The following OSGIN2 variants were observed in gnomAD, a reference collection of about 807,000 sequenced individuals.
OSGIN2 encodes oxidative stress induced growth inhibitor family member 2.
Under a neutral mutation model 53.8 loss-of-function variants are expected in OSGIN2, and 19 were observed. The ratio of observed to expected loss-of-function variants is 0.35; its 90% CI spans 0.25 to 0.52. The LOEUF (loss-of-function observed/expected upper bound fraction) is 0.52, where lower values mean the gene tolerates loss of function less well. OSGIN2 is among the 20% of genes least tolerant of loss of function. OSGIN2 has a pLI of 0.95. For synonymous variants in OSGIN2, 236 were observed against 236.0 expected (o/e 1.00, Z 0.00); for missense variants, 520 against 662.7 (o/e 0.78, Z 2.36).
At chr8:89,908,089 C>A (rs550649722) in intron 1 of OSGIN2, among the ~76,000 whole-genome samples, 1 of 152,218 alleles carries the variant, frequency 6.6e-6, no homozygotes, top group Admixed American at 6.5e-5. Flanking sequence ...AGGGACAGAG[C>A]AGAATATAAA....
intron 3 of OSGIN2, 54 bp from the exon 4 acceptor site, chr8:89,914,501 C>A: frequency 7.3e-7 from 1 of 1,364,088 alleles, no homozygotes; most frequent in Non-Finnish European, 1.0e-6. Context: ...TTAGAATATA[C>A]TATCTGGGAA....
Position 89,902,739 on chromosome 8 carries a change from G to GGGAGGC in OSGIN2, c.-46_-41dup, listed in dbSNP as rs1252980884. On this transcript the variant is annotated 5_prime_UTR_variant, in exon 1 of 6. Transcript: ENST00000451899. ...CGCCCCGAGCGGGCAGCCTCGCCGGGGGAGGCGGAGGCGGCCACGGCGGCC... is the reference window on the plus strand; with the variant it reads ...CGCCCCGAGCGGGCAGCCTCGCCGGGGGAGGCGGAGGCGGAGGCGGCCACGGCGGCC... 8 of 1,097,932 alleles carry GGGAGGC rather than the reference G, an allele frequency of 7.3e-6. No homozygotes were observed. The highest frequency in any genetic ancestry group is 6.6e-5 in the African/African-American group (4 of 60,184). 68.0% of individuals were successfully genotyped at this position (1,097,932 alleles called of 1,614,324 possible).
rs564153112 is a variant in OSGIN2, at chr8:89,914,006, T to C, written c.200-71T>C. ...TCAGAGAAAAGAGCCATCTTCAAAG[T>C]AGGACAAAAGCCAAGGAACAAGAGT... On this transcript the variant is annotated intron_variant, in intron 2 of 5. Coordinates refer to ENST00000451899, the MANE Select transcript of OSGIN2 (RefSeq NM_001126111.3). 9.1e-6 allele frequency: 12 copies of C among 1,313,102 alleles called. No homozygotes were observed. The African/African-American group carries it at 1.3e-4, about 15-fold the overall frequency. The allele number at this position is 1,313,102 out of a possible 1,614,324, so 81.3% of individuals were successfully genotyped here. A position where few individuals can be genotyped will look rare whatever the true frequency, so the allele number is the denominator to read the frequency against.
At chr8:89,922,220 T>C (rs1809221548) in intron 5 of OSGIN2, among the ~76,000 whole-genome samples, 1 of 152,222 alleles carries the variant, frequency 6.6e-6, no homozygotes, top group Non-Finnish European at 1.5e-5. Context: ...CACTTCCTGC[T>C]ACATAACAAC....
intron 4 of OSGIN2, among the ~76,000 whole-genome samples, chr8:89,918,957 G>T (rs1809140411): frequency 1.3e-5 from 2 of 152,126 alleles, no homozygotes; most frequent in African/African-American, 2.4e-5. Context: ...CTTACTCATT[G>T]TCTCTTCTCC....
Position 89,902,805 on chromosome 8 carries a change from GTGC to G in OSGIN2, c.16_18del (p.Cys6del). 7.4e-7 allele frequency: 1 copy of G among 1,360,292 alleles called. No individual in the cohort carries two copies. Among genetic ancestry groups the G allele is most frequent in the Non-Finnish European group, 9.7e-7 (1 of 1,036,242 alleles). 84.3% of individuals were successfully genotyped at this position (1,360,292 alleles called of 1,614,324 possible). On this transcript the variant is annotated inframe_deletion, in exon 1 of 6. Coordinates refer to ENST00000451899, the MANE Select transcript of OSGIN2 (RefSeq NM_001126111.3). ...TCGCGCAGCGCTCCATGCCCGTGTG[GTGC>G]TGCCGCTGCTCCCTGGCCGGTCATT...
intron 1 of OSGIN2, 118 bp downstream of exon 1, chr8:89,902,955 C>T (rs372698583): frequency 1.7e-6 from 1 of 573,444 alleles, no homozygotes. Flanking sequence ...GCAGCGTCCT[C>T]CCGCCTCGGC....
Position 89,925,538 on chromosome 8 carries a change from G to C in OSGIN2, c.*6G>C. Reference sequence around the variant, plus strand: ...GAGGAGATGGGATAGCTTAAAGCAAGTTTACAAGTAATTAAAATGGACAGT... The same window carrying C: ...GAGGAGATGGGATAGCTTAAAGCAACTTTACAAGTAATTAAAATGGACAGT... On this transcript the variant is annotated 3_prime_UTR_variant, in exon 6 of 6. Coordinates refer to ENST00000451899, the MANE Select transcript of OSGIN2 (RefSeq NM_001126111.3). 1 of 1,603,406 alleles carries C rather than the reference G, an allele frequency of 6.2e-7. No homozygotes were observed. The highest frequency in any genetic ancestry group is 1.3e-5 in the African/African-American group (1 of 74,500).
chr8:89,906,269 C>T (rs1017890382), intron 1 of OSGIN2, among the ~76,000 whole-genome samples: 1 of 152,148 alleles, frequency 6.6e-6, no homozygotes, highest in African/African-American at 2.4e-5. Context: ...AATACACTCA[C>T]ATTGATGATA....
intron 4 of OSGIN2, among the ~76,000 whole-genome samples, chr8:89,920,429 C>T (rs896580774): frequency 3.0e-4 from 45 of 152,166 alleles, no homozygotes; most frequent in African/African-American, 9.9e-4. Flanking sequence ...ATAACAGGTA[C>T]TTGGCCTTTG....
chr8:89,923,014 T>C lies in OSGIN2; in HGVS notation c.621-1489T>C, dbSNP rs138087542. On this transcript the variant is annotated intron_variant, in intron 5 of 5. Transcript: ENST00000451899. The stretch of plus-strand genomic sequence containing the variant: ...AATGGTATACCTGTGGGAGGTACCA[T>C]ACCAAAAATGGTATACCTGTATAAG... Among the ~76,000 whole-genome samples the C allele has an allele frequency of 2.7e-3, 409 of 152,210 alleles. 3 individuals are homozygous for C. Among genetic ancestry groups the C allele is most frequent in the African/African-American group, 9.6e-3 (400 of 41,518 alleles).
Position 89,914,562 on chromosome 8 carries a change from AATACTTG to A in OSGIN2, c.345_351del (p.Glu115AspfsTer39). Reference sequence around the variant, plus strand: ...TCCCTTTTGTTCATTCAGGACTTAGAATACTTGTCTGAGGGCCTTGAGGGCCGATCAT... The same window carrying A: ...TCCCTTTTGTTCATTCAGGACTTAGATCTGAGGGCCTTGAGGGCCGATCAT... On this transcript the variant is annotated frameshift_variant, in exon 4 of 6. Transcript: ENST00000451899. LOFTEE classifies it high-confidence loss of function. 6.2e-7 allele frequency: 1 copy of A among 1,613,598 alleles called. No individual in the cohort carries two copies. Among genetic ancestry groups the A allele is most frequent in the Non-Finnish European group, 8.5e-7 (1 of 1,179,610 alleles).
rs1477675544 is a variant in OSGIN2, at chr8:89,914,094, A to G, written c.217A>G (p.Ile73Val). Residue 73 changes from isoleucine (I) to valine (V), a missense_variant, in exon 3 of 6, where the codon ATA becomes GTA. By Grantham distance (29) the Ile-to-Val change is conservative (BLOSUM62 3). Around this residue, in one of 3 missense-constraint regions of OSGIN2, gnomAD observed 203 missense variants for 275.3 expected, o/e 0.74. Transcript: ENST00000451899. Reference sequence around the variant, plus strand: ...TTTAATAGGAAATGGACCCTCAGGAATATGCCTTTCTTATATGTTATCAGG... The same window carrying G: ...TTTAATAGGAAATGGACCCTCAGGAGTATGCCTTTCTTATATGTTATCAGG... Reference protein sequence around the residue: ...VVIIGNGPSGICLSYMLSGYR... With the variant: ...VVIIGNGPSGVCLSYMLSGYR... The G allele has an allele frequency of 1.2e-6, 2 of 1,611,422 alleles. No individual in the cohort carries two copies. The highest frequency in any genetic ancestry group is 2.2e-5 in the East Asian group (1 of 44,762).
chr8:89,923,992 A>C (rs1030084208), intron 5 of OSGIN2, among the ~76,000 whole-genome samples: 6 of 152,230 alleles, frequency 3.9e-5, no homozygotes, highest in Non-Finnish European at 7.3e-5. Flanking sequence ...TTTGTTTAGC[A>C]AAAGACAGAT....
chr8:89,907,578 TGTGG>T (rs1415844004), intron 1 of OSGIN2, among the ~76,000 whole-genome samples: 2 of 152,248 alleles, frequency 1.3e-5, no homozygotes, highest in Admixed American at 6.5e-5. Context: ...GTTGCAGGTG[TGTGG>T]TCTTATTTGT....
At chr8:89,921,442 T>C (rs1809202183) in intron 5 of OSGIN2, 2 of 308,074 alleles carry the variant, frequency 6.5e-6, no homozygotes, top group Non-Finnish European at 1.2e-5. Context: ...CATCACTCTC[T>C]GTTTAGTTAC....
chr8:89,903,517 A>T (rs1808773365), intron 1 of OSGIN2, among the ~76,000 whole-genome samples: 1 of 152,250 alleles, frequency 6.6e-6, no homozygotes, highest in Admixed American at 6.5e-5. Context: ...CATAGGGAAT[A>T]CTTTAGTACC....
At position 89,909,562 on chromosome 8, in the gene OSGIN2, T is replaced by C. The variant is rs763011150; in HGVS notation, c.45-5T>C. On this transcript the variant is annotated splice_region_variant and splice_polypyrimidine_tract_variant and intron_variant, in intron 1 of 5. Transcript: ENST00000451899. ...CTTTTTATTCCCCCTTTTTTTTTTT[T>C]AAAGAAACTATAGTGACACTGAAAC... The C allele has an allele frequency of 1.4e-6, 2 of 1,417,370 alleles. No homozygotes were observed. The highest frequency in any genetic ancestry group is 3.0e-5 in the South Asian group (2 of 67,780). 87.8% of individuals were successfully genotyped at this position (1,417,370 alleles called of 1,614,324 possible).
At chr8:89,907,811 T>C (rs755641753) in intron 1 of OSGIN2, among the ~76,000 whole-genome samples, 4 of 152,248 alleles carry the variant, frequency 2.6e-5, no homozygotes, top group Non-Finnish European at 5.9e-5. Flanking sequence ...ATCGGGAGTT[T>C]AATGGGAATA....
Sources: allele counts gnomAD v4.1 joint callset (sites outside exome capture counted in the v4.1 genomes callset), GRCh38; gene constraint gnomAD v4.1.1; regional missense constraint gnomAD v4.1.1; transcripts MANE v1.5; gene names NCBI Gene and HGNC (gene_info 2026-07-23, HGNC 2026-07-21).